The following SLX4IP variants were observed in gnomAD, a reference collection of about 807,000 sequenced individuals.
SLX4IP encodes SLX4 interacting protein, also known as protein SLX4IP.
SLX4IP carries 34 observed loss-of-function variants against 32.9 expected under a neutral mutation model. The observed-to-expected ratio is 1.03, with a 90% CI of 0.79 to 1.38. The LOEUF is 1.38. Among genes scored for constraint, SLX4IP ranks in the 40% most tolerant of loss-of-function variants. The pLI is 0.00. For missense variants in SLX4IP, 444 were observed against 479.0 expected, an observed-to-expected ratio of 0.93 and a Z score of 0.68; for synonymous variants, 172 against 171.7, an observed-to-expected ratio of 1.00 and a Z score of -0.01.
chr20:10,613,460 A>T, intron 6 of SLX4IP: 1 of 1,597,024 alleles, frequency 6.3e-7, no homozygotes, highest in Non-Finnish European at 8.6e-7. Flanking sequence ...TCTTGAGAGC[A>T]GATTTTTTCC....
At chr20:10,586,578 AT>A (rs528441712) in intron 4 of SLX4IP, among the ~76,000 whole-genome samples, 168 of 152,216 alleles carry the variant, frequency 1.1e-3, no homozygotes, top group Middle Eastern at 0.01. Context: ...TTTCTTGCTT[AT>A]TTTGGCTTAA....
intron 1 of SLX4IP, among the ~76,000 whole-genome samples, chr20:10,437,988 T>C (rs2065128710): frequency 6.6e-6 from 1 of 152,188 alleles, no homozygotes; most frequent in African/African-American, 2.4e-5. Flanking sequence ...GTTAGATAAA[T>C]TCATACAAGA....
chr20:10,514,780 G>A (rs1442822690), intron 2 of SLX4IP, among the ~76,000 whole-genome samples: 2 of 152,188 alleles, frequency 1.3e-5, no homozygotes, highest in African/African-American at 4.8e-5. Context: ...CAGAAATAGG[G>A]TGAGTATTAA....
At chr20:10,546,455 C>T (rs1323036422) in intron 2 of SLX4IP, among the ~76,000 whole-genome samples, 1 of 152,144 alleles carries the variant, frequency 6.6e-6, no homozygotes, top group Non-Finnish European at 1.5e-5. Context: ...AACCTCTGCC[C>T]TACCTATCTG....
intron 6 of SLX4IP, among the ~76,000 whole-genome samples, chr20:10,615,193 C>T (rs934276333): frequency 6.6e-6 from 1 of 152,148 alleles, no homozygotes; most frequent in Non-Finnish European, 1.5e-5. Context: ...GCCACTTGCA[C>T]TTCTCCCTTG....
intron 1 of SLX4IP, among the ~76,000 whole-genome samples, chr20:10,457,793 T>C (rs1359295783): frequency 6.6e-6 from 1 of 152,056 alleles, no homozygotes; most frequent in Non-Finnish European, 1.5e-5. Context: ...TCTGTACACA[T>C]TTGATAGAAT....
chr20:10,612,628 C>T (rs1774593035), intron 6 of SLX4IP, among the ~76,000 whole-genome samples: 1 of 152,182 alleles, frequency 6.6e-6, no homozygotes, highest in South Asian at 2.1e-4. Context: ...TCACCTCAAC[C>T]TCCGTCTCCC....
chr20:10,622,764 G>A lies in SLX4IP; in HGVS notation c.612G>A (p.Arg204=). 1.2e-6 allele frequency: 2 copies of A among 1,614,202 alleles called. No individual in the cohort carries two copies. Among genetic ancestry groups the A allele is most frequent in the South Asian group, 2.2e-5 (2 of 91,084 alleles). The change falls in exon 8 of 8, where the codon AGG becomes AGA. Residue 204 remains arginine, a synonymous_variant. Transcript: ENST00000334534. ...SDSVIAEIAR[R]RNDGQASSSP... ...CAGTGATTGCAGAGATAGCAAGGAG[G>A]AGGAATGATGGTCAGGCTTCCTCCA... is the stretch of plus-strand genomic sequence containing the variant.
chr20:10,583,784 T>A (rs962206648), intron 4 of SLX4IP, among the ~76,000 whole-genome samples: 1 of 152,218 alleles, frequency 6.6e-6, no homozygotes, highest in Non-Finnish European at 1.5e-5. Flanking sequence ...TTAATCAGTA[T>A]TTTAGATTTG....
At chr20:10,502,511 C>G (rs969131772) in intron 2 of SLX4IP, among the ~76,000 whole-genome samples, 5 of 152,234 alleles carry the variant, frequency 3.3e-5, no homozygotes, top group African/African-American at 1.2e-4. Flanking sequence ...CACTCACTTT[C>G]AACCTCACAG....
At position 10,589,991 on chromosome 20, in the gene SLX4IP, T is replaced by C. The variant is rs2066688062; in HGVS notation, c.239-8684T>C. ...CTATTCTTTTAGATTAAATTTAGCA[T>C]TATTTTTCGCAGCTTCCAAACTGCC... On this transcript the variant is annotated intron_variant, in intron 4 of 7. Coordinates refer to ENST00000334534, the MANE Select transcript of SLX4IP (RefSeq NM_001009608.3). 3.9e-5 allele frequency among the ~76,000 whole-genome samples: 6 copies of C among 152,276 alleles called. No individual in the cohort carries two copies. In the South Asian group the frequency reaches 1.2e-3, roughly 32 times the overall value.
At chr20:10,610,219 C>T (rs2066950080) in intron 6 of SLX4IP, among the ~76,000 whole-genome samples, 1 of 152,168 alleles carries the variant, frequency 6.6e-6, no homozygotes, top group Non-Finnish European at 1.5e-5. Flanking sequence ...TTATTTTCAC[C>T]GATTTCATGT....
chr20:10,602,175 TG>T (rs771280082), intron 6 of SLX4IP, among the ~76,000 whole-genome samples: 3 of 152,232 alleles, frequency 2.0e-5, no homozygotes, highest in African/African-American at 4.8e-5. Context: ...AGGCTTTCAT[TG>T]GGGTCAGTGG....
chr20:10,588,557 A>G (rs908841605), intron 4 of SLX4IP, among the ~76,000 whole-genome samples: 4 of 152,236 alleles, frequency 2.6e-5, no homozygotes, highest in Admixed American at 2.0e-4. Flanking sequence ...TATGTATACA[A>G]TGGAACATTA....
At chr20:10,521,050 T>A (rs988167503) in intron 2 of SLX4IP, among the ~76,000 whole-genome samples, 1 of 152,248 alleles carries the variant, frequency 6.6e-6, no homozygotes, top group African/African-American at 2.4e-5. Context: ...TTTTCATTAT[T>A]ATGATGATAT....
At chr20:10,554,316 A>G (rs1370875059) in intron 2 of SLX4IP, among the ~76,000 whole-genome samples, 1 of 152,190 alleles carries the variant, frequency 6.6e-6, no homozygotes, top group Non-Finnish European at 1.5e-5. Context: ...CCTTGCATGA[A>G]TATGGCACAA....
At chr20:10,552,204 A>G (rs1404663744) in intron 2 of SLX4IP, among the ~76,000 whole-genome samples, 3 of 152,196 alleles carry the variant, frequency 2.0e-5, no homozygotes, top group Admixed American at 2.0e-4. Context: ...TAGCAGCCTG[A>G]TGGTTGCTCA....
At chr20:10,550,296 G>T (rs976237648) in intron 2 of SLX4IP, among the ~76,000 whole-genome samples, 4 of 152,150 alleles carry the variant, frequency 2.6e-5, no homozygotes, top group Non-Finnish European at 5.9e-5. Flanking sequence ...TCAATGCCAG[G>T]TAGGTGTAAA....
chr20:10,568,342 G>A (rs989113716), intron 4 of SLX4IP, among the ~76,000 whole-genome samples: 5 of 152,204 alleles, frequency 3.3e-5, no homozygotes, highest in African/African-American at 1.2e-4. Flanking sequence ...AGGCAAAACA[G>A]TGAAGCTGCG....
Sources: gnomAD v4.1 joint callset for allele counts (sites outside exome capture counted in the v4.1 genomes callset) on GRCh38, gnomAD v4.1.1 for gene constraint, MANE v1.5 for transcripts, NCBI Gene and HGNC (gene_info 2026-07-23, HGNC 2026-07-21) for gene names.